The following GNAQ variants were observed in gnomAD, a reference collection of about 807,000 sequenced individuals.
The protein encoded by GNAQ is G protein subunit alpha q.
Under a neutral mutation model 43.9 loss-of-function variants are expected in GNAQ, and 8 were observed. That is an observed-to-expected ratio of 0.18 (90% CI 0.11 to 0.33). The LOEUF (loss-of-function observed/expected upper bound fraction) is 0.33, where lower values mean the gene tolerates loss of function less well. Ranked by LOEUF, GNAQ falls within the 10% of genes least tolerant of loss-of-function variation. GNAQ has a pLI of 1.00. For missense variants in GNAQ, 158 were observed against 450.8 expected, an observed-to-expected ratio of 0.35 and a Z score of 5.88; for synonymous variants, 155 against 170.7, an observed-to-expected ratio of 0.91 and a Z score of 0.71.
intron 1 of GNAQ, among the ~76,000 whole-genome samples, chr9:77,966,508 T>TC (rs1474984988): frequency 6.6e-6 from 1 of 152,142 alleles, no homozygotes; most frequent in African/African-American, 2.4e-5. Flanking sequence ...TAATTATGCT[T>TC]CCCCAAAGGA....
chr9:77,745,838 A>G (rs1239714487), intron 5 of GNAQ, among the ~76,000 whole-genome samples: 1 of 152,118 alleles, frequency 6.6e-6, no homozygotes, highest in Non-Finnish European at 1.5e-5. Flanking sequence ...AATGGAGAGG[A>G]GGAAACTTTC....
At chr9:77,943,660 C>CTT (rs34195207) in intron 1 of GNAQ, among the ~76,000 whole-genome samples, 1,227 of 116,122 alleles carry the variant, frequency 0.011, 23 homozygotes, top group Middle Eastern at 0.019. Context: ...AAGTAACTAA[C>CTT]TTTTTTTTTT....
At chr9:77,799,809 G>T (rs1826714412) in intron 3 of GNAQ, among the ~76,000 whole-genome samples, 1 of 152,170 alleles carries the variant, frequency 6.6e-6, no homozygotes, top group Non-Finnish European at 1.5e-5. Flanking sequence ...CCTTATCCCT[G>T]ATACATTGAT....
chr9:77,795,909 GA>G (rs1826650785), intron 4 of GNAQ, among the ~76,000 whole-genome samples: 1 of 152,066 alleles, frequency 6.6e-6, no homozygotes, highest in South Asian at 2.1e-4. Flanking sequence ...ACAAAACGTG[GA>G]AAAAACAACA....
At chr9:77,773,626 A>G (rs1335205003) in intron 5 of GNAQ, among the ~76,000 whole-genome samples, 1 of 152,228 alleles carries the variant, frequency 6.6e-6, no homozygotes, top group Non-Finnish European at 1.5e-5. Flanking sequence ...ACAGTTGACT[A>G]ATGTTCCACA....
At chr9:78,030,493 G>A in intron 1 of GNAQ, 1 of 470,532 alleles carries the variant, frequency 2.1e-6, no homozygotes, top group Non-Finnish European at 4.4e-6. Context: ...TCCTTGGAGG[G>A]CCAACCACTT....
Position 77,718,278 on chromosome 9 carries a change from A to G in GNAQ, c.*3045T>C, listed in dbSNP as rs1291718787. 10 of 232,652 alleles carry G rather than the reference A, an allele frequency of 4.3e-5. No individual in the cohort carries two copies. In the Admixed American group the frequency reaches 5.6e-4, roughly 13 times the overall value. 14.4% of individuals were successfully genotyped at this position (232,652 alleles called of 1,614,324 possible). Reference sequence around the variant, plus strand: ...TTGCAATCACAATATAATATAAAGCATGAGTAAACTTTGTTTTTATACAAA... The same window carrying G: ...TTGCAATCACAATATAATATAAAGCGTGAGTAAACTTTGTTTTTATACAAA... On this transcript the variant is annotated 3_prime_UTR_variant, in exon 7 of 7. Transcript: ENST00000286548.
At chr9:77,930,525 C>T (rs1341847960) in intron 1 of GNAQ, among the ~76,000 whole-genome samples, 2 of 152,186 alleles carry the variant, frequency 1.3e-5, no homozygotes, top group East Asian at 3.9e-4. Flanking sequence ...TATAAGCTTT[C>T]CTTTAGTGAT....
At chr9:77,894,099 A>G (rs190311852) in intron 2 of GNAQ, among the ~76,000 whole-genome samples, 33 of 152,004 alleles carry the variant, frequency 2.2e-4, no homozygotes, top group African/African-American at 7.5e-4. Flanking sequence ...CACATGGCAA[A>G]TAAGTAACAA....
At chr9:77,781,900 G>C (rs1182434559) in intron 5 of GNAQ, among the ~76,000 whole-genome samples, 1 of 152,070 alleles carries the variant, frequency 6.6e-6, no homozygotes, top group East Asian at 1.9e-4. Flanking sequence ...AAAATCTACA[G>C]CTAATATCAT....
chr9:77,945,705 G>A (rs1176959437), intron 1 of GNAQ, among the ~76,000 whole-genome samples: 15 of 152,010 alleles, frequency 9.9e-5, no homozygotes, highest in Admixed American at 9.8e-4. Context: ...ATCATAAATG[G>A]GCAAAAGGGA....
At chr9:77,761,755 C>T (rs1278765529) in intron 5 of GNAQ, among the ~76,000 whole-genome samples, 2 of 73,144 alleles carry the variant, frequency 2.7e-5, no homozygotes, top group Admixed American at 1.1e-4. Flanking sequence ...CCAGCCGCCC[C>T]GTCCGGGAGG....
At chr9:77,930,739 G>A (rs535246690) in intron 1 of GNAQ, among the ~76,000 whole-genome samples, 54 of 152,088 alleles carry the variant, frequency 3.6e-4, no homozygotes, top group African/African-American at 1.3e-3. Flanking sequence ...GCCTCAATAG[G>A]AAATTTTTTC....
chr9:77,899,543 T>C (rs1030403885), intron 2 of GNAQ, among the ~76,000 whole-genome samples: 24 of 129,176 alleles, frequency 1.9e-4, no homozygotes, highest in African/African-American at 5.4e-4. Flanking sequence ...ATTCAAAGAA[T>C]CACATTAACA....
At chr9:77,831,041 A>G (rs1165516065) in intron 2 of GNAQ, among the ~76,000 whole-genome samples, 1 of 152,254 alleles carries the variant, frequency 6.6e-6, no homozygotes, top group African/African-American at 2.4e-5. Flanking sequence ...AACCCTTTGC[A>G]TAATTGGTGA....
chr9:77,958,408 C>T (rs907622830), intron 1 of GNAQ, among the ~76,000 whole-genome samples: 1 of 152,012 alleles, frequency 6.6e-6, no homozygotes, highest in Non-Finnish European at 1.5e-5. Context: ...TCTACAGCTG[C>T]CAGCCATGAA....
chr9:77,741,465 T>A (rs1156608188), intron 5 of GNAQ, among the ~76,000 whole-genome samples: 1 of 152,230 alleles, frequency 6.6e-6, no homozygotes, highest in Non-Finnish European at 1.5e-5. Flanking sequence ...CTTTTTTTCT[T>A]CATAGTTCTT....
In GNAQ at chr9:77,716,480, G is replaced by C. The variant is rs1002601702; in HGVS notation, c.*4843C>G. ...AAAACTCCCTAAATACATAGGTCTA[G>C]TAAGGGTTTCCAACAGGATGATGGG... is the stretch of plus-strand genomic sequence containing the variant. On this transcript the variant is annotated 3_prime_UTR_variant, in exon 7 of 7. Transcript: ENST00000286548. The C allele has an allele frequency of 1.3e-5, 3 of 232,660 alleles. No individual in the cohort carries two copies. The highest frequency in any genetic ancestry group is 2.5e-5 in the Non-Finnish European group (3 of 117,790). 14.4% of individuals were successfully genotyped at this position (232,660 alleles called of 1,614,324 possible).
chr9:77,794,749 T>C (rs1258992739), intron 4 of GNAQ, among the ~76,000 whole-genome samples, 157 bp from the exon 5 acceptor site: 1 of 152,178 alleles, frequency 6.6e-6, no homozygotes, highest in African/African-American at 2.4e-5. Flanking sequence ...AATTACTAAT[T>C]TCTTATTACC....
Sources: gnomAD v4.1 joint callset for allele counts (sites outside exome capture counted in the v4.1 genomes callset) on GRCh38, gnomAD v4.1.1 for gene constraint, MANE v1.5 for transcripts, NCBI Gene and HGNC (gene_info 2026-07-23, HGNC 2026-07-21) for gene names.